Variants in FARP1 observed in about 807,000 individuals in gnomAD.
FARP1 encodes FERM, ARH/RhoGEF and pleckstrin domain protein 1, also known as FERM, ARHGEF and pleckstrin domain-containing protein 1.
FARP1 carries 52 observed loss-of-function variants against 128.8 expected under a neutral mutation model. The ratio of observed to expected loss-of-function variants is 0.40; its 90% CI spans 0.32 to 0.51. The LOEUF is 0.51. Ranked by LOEUF, FARP1 falls within the 20% of genes least tolerant of loss-of-function variation. FARP1 has a pLI of 0.45. For missense variants in FARP1, 1,333 were observed against 1,367.9 expected, an observed-to-expected ratio of 0.97 and a Z score of 0.40; for synonymous variants, 580 against 551.8, an observed-to-expected ratio of 1.05 and a Z score of -0.72.
chr13:98,317,228 G>GA (rs1168852893), intron 2 of FARP1, among the ~76,000 whole-genome samples: 4 of 152,202 alleles, frequency 2.6e-5, no homozygotes. Flanking sequence ...TTTCAAACAT[G>GA]AAATCTCATT....
intron 1 of FARP1, among the ~76,000 whole-genome samples, chr13:98,144,978 G>A (rs1391367682): frequency 6.6e-6 from 1 of 152,168 alleles, no homozygotes; most frequent in Admixed American, 6.5e-5. Flanking sequence ...TATTCCTGCA[G>A]CATCGTTCTG....
chr13:98,448,415 A>T lies in FARP1; in HGVS notation c.*98A>T. 1 of 992,682 alleles carries T rather than the reference A, an allele frequency of 1.0e-6. No individual in the cohort carries two copies. The highest frequency in any genetic ancestry group is 1.4e-5 in the South Asian group (1 of 73,896). The allele number at this position is 992,682 out of a possible 1,614,324, so 61.5% of individuals were successfully genotyped here. A position where few individuals can be genotyped will look rare whatever the true frequency, so the allele number is the denominator to read the frequency against. On this transcript the variant is annotated 3_prime_UTR_variant, in exon 27 of 27. Transcript: ENST00000319562. ...CTGGTAAAATTAACACCTGTCTGAA[A>T]ATCAAAAACATGGCTTCCCAGCAGC... is the stretch of plus-strand genomic sequence containing the variant.
intron 17 of FARP1, chr13:98,425,355 G>A (rs1429753021): frequency 6.8e-6 from 1 of 146,852 alleles, no homozygotes; most frequent in Non-Finnish European, 1.5e-5. Context: ...ATCAGTGTAC[G>A]AGGCAAATAT....
At chr13:98,324,482 G>T (rs1887146707) in intron 2 of FARP1, among the ~76,000 whole-genome samples, 1 of 152,180 alleles carries the variant, frequency 6.6e-6, no homozygotes, top group South Asian at 2.1e-4. Context: ...CATCAGTTCA[G>T]TCTAAAGAGC....
chr13:98,356,115 C>T (rs747553584), intron 3 of FARP1, among the ~76,000 whole-genome samples: 3 of 152,070 alleles, frequency 2.0e-5, no homozygotes, highest in Non-Finnish European at 4.4e-5. Flanking sequence ...AATGAGGTTA[C>T]GTTGTTCAAA....
intron 5 of FARP1, among the ~76,000 whole-genome samples, chr13:98,373,529 G>GACGGAC (rs1264346715): frequency 1.3e-3 from 101 of 79,228 alleles, no homozygotes; most frequent in African/African-American, 5.9e-3. Flanking sequence ...GAGACAGACA[G>GACGGAC]ACAGACACAC....
At chr13:98,415,921 C>T (rs941640762) in intron 16 of FARP1, among the ~76,000 whole-genome samples, 6 of 152,266 alleles carry the variant, frequency 3.9e-5, no homozygotes, top group Non-Finnish European at 5.9e-5. Flanking sequence ...CTCGTTGAAC[C>T]GCATTTCCTC....
chr13:98,163,284 C>T (rs1594215508), intron 1 of FARP1, among the ~76,000 whole-genome samples: 2 of 152,018 alleles, frequency 1.3e-5, no homozygotes, highest in East Asian at 3.9e-4. Flanking sequence ...CTGATGGACA[C>T]ACAGAGGGGA....
At chr13:98,435,490 T>G in intron 18 of FARP1, 86 bp from the exon 19 acceptor site, 1 of 1,391,072 alleles carries the variant, frequency 7.2e-7, no homozygotes, top group South Asian at 1.4e-5. Flanking sequence ...TGGAGTGATT[T>G]CCCTGCAGCG....
chr13:98,273,003 A>C (rs904613133), intron 2 of FARP1, among the ~76,000 whole-genome samples: 1 of 152,218 alleles, frequency 6.6e-6, no homozygotes, highest in Non-Finnish European at 1.5e-5. Flanking sequence ...TGGGAAACGT[A>C]GTCTGAAGAG....
chr13:98,343,809 CAACCTCGTGG>C lies in FARP1; in HGVS notation c.222_231del (p.Asn74LysfsTer22). ...TGCTGGATGCAGTTTGCAACCACCTCAACCTCGTGGAAGGTGACTATTTTGGCCTCGAGTT... is the reference window on the plus strand; with the variant it reads ...TGCTGGATGCAGTTTGCAACCACCTCAAGGTGACTATTTTGGCCTCGAGTT... On this transcript the variant is annotated frameshift_variant, in exon 3 of 27. Coordinates refer to ENST00000319562, the MANE Select transcript of FARP1 (RefSeq NM_005766.4). LOFTEE classifies it high-confidence loss of function. The C allele has an allele frequency of 1.2e-6, 2 of 1,614,132 alleles. No individual in the cohort carries two copies. Among genetic ancestry groups the C allele is most frequent in the Non-Finnish European group, 1.7e-6 (2 of 1,179,980 alleles).
rs180830762 is a variant in FARP1 at position 98,251,718 on chromosome 13, G to A, written c.171+38305G>A. On this transcript the variant is annotated intron_variant, in intron 2 of 26. Coordinates refer to ENST00000319562, the MANE Select transcript of FARP1 (RefSeq NM_005766.4). ...AAAAGAAAAAAAAGTCCCCATTAGG[G>A]AAGAGGGAGGACAAACAACTACCAA... Among the ~76,000 whole-genome samples the A allele has an allele frequency of 1.4e-4, 22 of 152,034 alleles. No individual in the cohort carries two copies. The East Asian group carries it at 3.5e-3, about 24-fold the overall frequency.
chr13:98,380,244 C>T (rs1425517091), intron 6 of FARP1, among the ~76,000 whole-genome samples: 2 of 151,884 alleles, frequency 1.3e-5, no homozygotes, highest in Non-Finnish European at 1.5e-5. Flanking sequence ...GTCAGGAGTT[C>T]GTGACCAGCC....
Position 98,446,767 on chromosome 13 carries a change from C to T in FARP1, c.3006C>T (p.Phe1002=), listed in dbSNP as rs144436647. ...AAGACTACGTGTTCAAGCTGCACTT[C>T]AAGTCCCACGTCTACTACTTCAGGG... ...IQKDYVFKLH[F]KSHVYYFRAE... Residue 1002 remains phenylalanine, a synonymous_variant, in exon 26 of 27, where the codon TTC becomes TTT. Transcript: ENST00000319562. 1 of 1,614,202 alleles carries T rather than the reference C, an allele frequency of 6.2e-7. No homozygotes were observed. The highest frequency in any genetic ancestry group is 2.2e-5 in the East Asian group (1 of 44,868).
intron 2 of FARP1, among the ~76,000 whole-genome samples, chr13:98,250,430 A>G (rs1883266845): frequency 6.6e-6 from 1 of 152,192 alleles, no homozygotes; most frequent in Non-Finnish European, 1.5e-5. Context: ...TTTAACAAAT[A>G]AAAATATGAG....
intron 3 of FARP1, among the ~76,000 whole-genome samples, chr13:98,349,672 G>GGAAAAAA (rs1188429889): frequency 3.3e-5 from 2 of 59,872 alleles, no homozygotes; most frequent in Non-Finnish European, 5.9e-5. Context: ...CCATCTCAGG[G>GGAAAAAA]AAAAAAAAAA....
intron 1 of FARP1, chr13:98,177,230 C>A: frequency 6.4e-7 from 1 of 1,552,358 alleles, no homozygotes; most frequent in South Asian, 1.2e-5. Context: ...GAAGGTGGCG[C>A]TGCCATGTTT....
intron 1 of FARP1, among the ~76,000 whole-genome samples, chr13:98,180,533 A>G (rs1172290447): frequency 6.6e-6 from 1 of 152,150 alleles, no homozygotes; most frequent in Non-Finnish European, 1.5e-5. Context: ...GTGATACTTG[A>G]TTCTTGCAGT....
At chr13:98,189,452 G>A (rs928031888) in intron 1 of FARP1, among the ~76,000 whole-genome samples, 6 of 152,040 alleles carry the variant, frequency 3.9e-5, no homozygotes, top group Admixed American at 6.6e-5. Flanking sequence ...ATTTTAACAG[G>A]CAGACAAGAA....
Sources: allele counts gnomAD v4.1 joint callset (sites outside exome capture counted in the v4.1 genomes callset), GRCh38; gene constraint gnomAD v4.1.1; transcripts MANE v1.5; gene names NCBI Gene and HGNC (gene_info 2026-07-23, HGNC 2026-07-21).